Variants in NSD1 observed in about 807,000 individuals in gnomAD.
NSD1 encodes nuclear receptor binding SET domain protein 1.
In NSD1, 26 loss-of-function variants were observed where a neutral mutation model predicts 242.7. The observed-to-expected ratio is 0.11, with a 90% confidence interval of 0.08 to 0.15. NSD1 has a LOEUF of 0.15. NSD1 is among the 10% of genes least tolerant of loss of function. The pLI is 1.00. For synonymous variants in NSD1, 1,106 were observed against 1,178.1 expected (o/e 0.94, Z 1.25); for missense variants, 2,495 against 3,272.8 (o/e 0.76, Z 5.80).
intron 4 of NSD1, among the ~76,000 whole-genome samples, chr5:177,209,162 T>C (rs1407358127): frequency 6.6e-6 from 1 of 152,112 alleles, no homozygotes; most frequent in Non-Finnish European, 1.5e-5. Context: ...GTGATTCAGA[T>C]GCTGCTTGAG....
intron 21 of NSD1, among the ~76,000 whole-genome samples, chr5:177,291,002 A>C (rs1296280999): frequency 6.6e-6 from 1 of 152,210 alleles, no homozygotes; most frequent in Non-Finnish European, 1.5e-5. Context: ...GTGTGCTCTT[A>C]GTAGATACTG....
chr5:177,136,487 A>C (rs1391982640), intron 2 of NSD1: 1 of 188,780 alleles, frequency 5.3e-6, no homozygotes. Flanking sequence ...AACACAGATT[A>C]AAGTGGCTAA....
At chr5:177,289,267 G>A (rs1170340715) in intron 21 of NSD1, among the ~76,000 whole-genome samples, 1 of 151,890 alleles carries the variant, frequency 6.6e-6, no homozygotes, top group African/African-American at 2.4e-5. Flanking sequence ...ATTGCAGTGA[G>A]CTGAGATCAC....
chr5:177,267,464 G>A, intron 14 of NSD1, 98 bp from the exon 15 acceptor site: 1 of 1,006,338 alleles, frequency 9.9e-7, no homozygotes, highest in Non-Finnish European at 1.5e-6. Flanking sequence ...ATATCTTTTA[G>A]TGAAGAGAAA....
chr5:177,257,763 T>G (rs1756610689), intron 13 of NSD1, among the ~76,000 whole-genome samples: 3 of 152,074 alleles, frequency 2.0e-5, no homozygotes, highest in Non-Finnish European at 2.9e-5. Flanking sequence ...CTGCTGCATG[T>G]CCTCTTCCCC....
rs770203579 is a variant in NSD1, at chr5:177,299,884, C to CTG, written c.*4435_*4436dup. ...GCGGTCTCATCGAGGTGGGTGCTAC[C>CTG]TGTGTGTGTGTAGATGAGTGTGCTG... On this transcript the variant is annotated 3_prime_UTR_variant, in exon 23 of 23. Coordinates refer to ENST00000439151, the MANE Select transcript of NSD1 (RefSeq NM_022455.5). 5 of 233,262 alleles carry CTG rather than the reference C, an allele frequency of 2.1e-5. No individual in the cohort carries two copies. Among genetic ancestry groups the CTG allele is most frequent in the African/African-American group, 4.4e-5 (2 of 45,408 alleles). 14.4% of individuals were successfully genotyped at this position (233,262 alleles called of 1,614,324 possible). A position where few individuals can be genotyped will look rare whatever the true frequency, so the allele number is the denominator to read the frequency against.
intron 2 of NSD1, among the ~76,000 whole-genome samples, chr5:177,144,988 T>G (rs6875885): frequency 0.36 from 54,455 of 150,706 alleles, 13,062 homozygotes; most frequent in African/African-American, 0.68. Context: ...AGGAGGCTGA[T>G]GCAGGAGGAT....
At chr5:177,258,843 T>G (rs558655159) in intron 13 of NSD1, among the ~76,000 whole-genome samples, 2 of 150,418 alleles carry the variant, frequency 1.3e-5, no homozygotes, top group South Asian at 2.1e-4. Context: ...GCATGTGTTT[T>G]TTTGTTTGTT....
intron 20 of NSD1, among the ~76,000 whole-genome samples, chr5:177,284,916 T>C (rs936606018): frequency 2.6e-5 from 4 of 152,168 alleles, no homozygotes; most frequent in East Asian, 1.9e-4. Flanking sequence ...GCCTGGGTAG[T>C]ATCGTGAGAA....
Position 177,294,691 on chromosome 5 carries a change from T to A in NSD1, c.7323T>A (p.Pro2441=). Residue 2441 remains proline, a synonymous_variant, in exon 23 of 23, where the codon CCT becomes CCA. Coordinates refer to ENST00000439151, the MANE Select transcript of NSD1 (RefSeq NM_022455.5). The part of the protein sequence containing the change: ...TLVAKEKALR[P]VDQNTQSKNR... ...TAGCTAAAGAAAAAGCACTGAGGCC[T>A]GTGGACCAGAATACTCAGTCAAAAA... 6.2e-7 allele frequency: 1 copy of A among 1,614,226 alleles called. No homozygotes were observed. Among genetic ancestry groups the A allele is most frequent in the Non-Finnish European group, 8.5e-7 (1 of 1,180,034 alleles).
Position 177,204,210 on chromosome 5 carries a change from T to C in NSD1, c.1154T>C (p.Met385Thr), listed in dbSNP as rs752268632. 1.2e-6 allele frequency: 2 copies of C among 1,614,148 alleles called. No individual in the cohort carries two copies. The highest frequency in any genetic ancestry group is 1.1e-5 in the South Asian group (1 of 91,088). Reference sequence around the variant, plus strand: ...TGGGTGGCTGGAAAAGCAATCGTCATGTTTGAAGGCAGACATCAATTCGAA... The same window carrying C: ...TGGGTGGCTGGAAAAGCAATCGTCACGTTTGAAGGCAGACATCAATTCGAA... The part of the protein sequence containing the change: ...RAWVAGKAIV[M>T]FEGRHQFEEL... Residue 385 changes from methionine (M) to threonine (T), a missense_variant, in exon 4 of 23, where the codon ATG becomes ACG. Coordinates refer to ENST00000439151, the MANE Select transcript of NSD1 (RefSeq NM_022455.5).
rs1554173239 is a variant in NSD1, at chr5:177,158,999, T to TATATATATATATGAATG, written c.927+22981_927+22982insGAATGATATATATATAT. 4.4e-3 allele frequency among the ~76,000 whole-genome samples: 57 copies of TATATATATATATGAATG among 13,048 alleles called. 1 individual carries two copies. Among genetic ancestry groups the TATATATATATATGAATG allele is most frequent in the African/African-American group, 0.015 (54 of 3,578 alleles). The allele number at this position is 13,048 out of a possible 152,430, so 8.6% of individuals were successfully genotyped here. On this transcript the variant is annotated intron_variant, in intron 2 of 22. Coordinates refer to ENST00000439151, the MANE Select transcript of NSD1 (RefSeq NM_022455.5). Reference sequence around the variant, plus strand: ...ATACACACATATATATGAATGATTTTATATATATATATATATATATATATA... The same window carrying TATATATATATATGAATG: ...ATACACACATATATATGAATGATTTTATATATATATATGAATGATATATATATATATATATATATATA...
chr5:177,150,170 G>A (rs1053254989), intron 2 of NSD1, among the ~76,000 whole-genome samples: 1 of 151,784 alleles, frequency 6.6e-6, no homozygotes, highest in African/African-American at 2.4e-5. Context: ...GTCTCGCTCT[G>A]TCACGCAAGC....
chr5:177,163,430 C>G (rs924272152), intron 2 of NSD1, among the ~76,000 whole-genome samples: 1 of 151,962 alleles, frequency 6.6e-6, no homozygotes, highest in African/African-American at 2.4e-5. Context: ...CATGAGCCAC[C>G]GCGCCCAGCC....
chr5:177,275,551 A>C (rs890255596), intron 17 of NSD1, among the ~76,000 whole-genome samples: 2 of 140,634 alleles, frequency 1.4e-5, no homozygotes, highest in African/African-American at 2.7e-5. Flanking sequence ...CTCCTGCCTC[A>C]GCCTCCCGAG....
At chr5:177,172,041 G>A (rs1056996633) in intron 2 of NSD1, among the ~76,000 whole-genome samples, 9 of 152,178 alleles carry the variant, frequency 5.9e-5, no homozygotes, top group African/African-American at 2.2e-4. Context: ...CCTTTCTTAA[G>A]TCTTTGCTGT....
chr5:177,274,992 C>T (rs1273588738), intron 17 of NSD1, among the ~76,000 whole-genome samples: 1 of 151,894 alleles, frequency 6.6e-6, no homozygotes, highest in Non-Finnish European at 1.5e-5. Context: ...CCACAGCCTC[C>T]CAAAGTGCTG....
intron 3 of NSD1, among the ~76,000 whole-genome samples, chr5:177,194,735 T>C (rs965561957): frequency 7.7e-6 from 1 of 130,366 alleles, no homozygotes; most frequent in Non-Finnish European, 1.6e-5. Context: ...AGAGCCTTGC[T>C]CTGTCTCCCA....
intron 14 of NSD1, chr5:177,264,684 CTTATT>C (rs1218247603): frequency 1.7e-5 from 9 of 530,832 alleles, no homozygotes; most frequent in Non-Finnish European, 3.1e-5. Context: ...AACTCCCACT[CTTATT>C]TTAAGAGCTT....
Sources: gnomAD v4.1 joint callset for allele counts (sites outside exome capture counted in the v4.1 genomes callset) on GRCh38, gnomAD v4.1.1 for gene constraint, MANE v1.5 for transcripts, NCBI Gene and HGNC (gene_info 2026-07-23, HGNC 2026-07-21) for gene names.